HIVEP2: variants seen among roughly 807,000 people sequenced by gnomAD.
HIVEP2 encodes transcription factor HIVEP2.
HIVEP2 carries 14 observed loss-of-function variants against 180.7 expected under a neutral mutation model. That is an observed-to-expected ratio of 0.08 (90% CI 0.05 to 0.12). The LOEUF (loss-of-function observed/expected upper bound fraction) is 0.12, where lower values mean the gene tolerates loss of function less well. Ranked by LOEUF, HIVEP2 falls within the 10% of genes least tolerant of loss-of-function variation. The pLI, the probability that HIVEP2 is intolerant of heterozygous loss-of-function variation, is 1.00. For synonymous variants in HIVEP2, 1,184 were observed against 1,136.4 expected (o/e 1.04, Z -0.84); for missense variants, 2,579 against 3,008.5 (o/e 0.86, Z 3.34).
intron 1 of HIVEP2, among the ~76,000 whole-genome samples, chr6:142,911,038 T>C (rs373579815): frequency 6.6e-6 from 1 of 150,584 alleles, no homozygotes. Flanking sequence ...TGCAATGCAC[T>C]GGATAAAATT....
chr6:142,827,260 C>T (rs912523842), intron 2 of HIVEP2, among the ~76,000 whole-genome samples: 1 of 151,868 alleles, frequency 6.6e-6, no homozygotes, highest in Non-Finnish European at 1.5e-5. Context: ...TAAATTTCAC[C>T]CCTTTACATT....
intron 2 of HIVEP2, among the ~76,000 whole-genome samples, chr6:142,797,300 C>T (rs1381605408): frequency 1.3e-5 from 2 of 152,226 alleles, no homozygotes; most frequent in African/African-American, 4.8e-5. Flanking sequence ...ATCCAAGTCA[C>T]TCCAAATTTA....
At chr6:142,769,415 C>T (rs1582839243) in intron 5 of HIVEP2, 137 bp downstream of exon 5, 1 of 724,358 alleles carries the variant, frequency 1.4e-6, no homozygotes, top group East Asian at 2.7e-5. Context: ...TGAGTAAGGC[C>T]AGACTTTCTG....
chr6:142,825,609 C>A (rs191703359), intron 2 of HIVEP2, among the ~76,000 whole-genome samples: 1 of 152,082 alleles, frequency 6.6e-6, no homozygotes, highest in East Asian at 1.9e-4. Flanking sequence ...ATATTTTATA[C>A]ATTATTATAA....
At chr6:142,788,053 A>T (rs1363353759) in intron 2 of HIVEP2, 1 of 152,202 alleles carries the variant, frequency 6.6e-6, no homozygotes, top group South Asian at 2.1e-4. Context: ...GGAGCACAGA[A>T]AAGATAGGAA....
intron 1 of HIVEP2, among the ~76,000 whole-genome samples, chr6:142,929,468 A>T (rs147682010): frequency 6.6e-6 from 1 of 152,326 alleles, no homozygotes; most frequent in African/African-American, 2.4e-5. Flanking sequence ...CAGAACAAAA[A>T]AAAAGGAGTT....
intron 1 of HIVEP2, among the ~76,000 whole-genome samples, chr6:142,866,396 G>A (rs934992166): frequency 9.9e-5 from 15 of 152,064 alleles, no homozygotes; most frequent in Admixed American, 2.6e-4. Flanking sequence ...AATAATACTT[G>A]GCCATACTTA....
At chr6:142,849,785 C>A (rs1050906291) in intron 1 of HIVEP2, among the ~76,000 whole-genome samples, 6 of 152,110 alleles carry the variant, frequency 3.9e-5, no homozygotes, top group African/African-American at 1.4e-4. Context: ...TCCCTAAGTG[C>A]TGGGACTACA....
At chr6:142,913,403 C>G (rs1231636793) in intron 1 of HIVEP2, among the ~76,000 whole-genome samples, 1 of 152,232 alleles carries the variant, frequency 6.6e-6, no homozygotes, top group East Asian at 1.9e-4. Flanking sequence ...TCAGGGCACA[C>G]TGGCTGTCCC....
At chr6:142,759,248 A>T (rs499166) in intron 9 of HIVEP2, among the ~76,000 whole-genome samples, 52,107 of 151,910 alleles carry the variant, frequency 0.34, 9,771 homozygotes, top group Middle Eastern at 0.49. Context: ...GGTTGTAGTG[A>T]GCCAAAGTCG....
chr6:142,881,608 T>A (rs1776575800), intron 1 of HIVEP2, among the ~76,000 whole-genome samples: 1 of 152,348 alleles, frequency 6.6e-6, no homozygotes, highest in South Asian at 2.1e-4. Context: ...TTCGAAAATA[T>A]GGTCTCTGAG....
At chr6:142,761,683 CA>C (rs774968963) in intron 7 of HIVEP2, 118 bp from the exon 8 acceptor site, 255 of 710,118 alleles carry the variant, frequency 3.6e-4, no homozygotes, top group Non-Finnish European at 4.9e-4. Context: ...TCATGTAACA[CA>C]GATTTGTTTC....
chr6:142,826,024 C>T (rs9373362), intron 2 of HIVEP2, among the ~76,000 whole-genome samples: 3,730 of 152,062 alleles, frequency 0.025, 209 homozygotes, highest in East Asian at 0.24. Context: ...CACTAGTTTG[C>T]TTCTATATTC....
rs558104985 is a variant in HIVEP2, at chr6:142,878,026, T to C, written c.-640-40979A>G. On this transcript the variant is annotated intron_variant, in intron 1 of 9. Transcript: ENST00000367603. ...TGGAGCCCAAAAGGTGATGCAGCAC[T>C]CTTCCAATATATTATTTAACTAATC... Among the ~76,000 whole-genome samples the C allele has an allele frequency of 6.6e-5, 10 of 152,288 alleles. No homozygotes were observed. The East Asian group carries it at 1.9e-3, about 29-fold the overall frequency.
At position 142,818,733 on chromosome 6, in the gene HIVEP2, A is replaced by AAAGAAGGAAAG. The variant is rs1462347393; in HGVS notation, c.-528+18201_-528+18202insCTTTCCTTCTT. The stretch of plus-strand genomic sequence containing the variant: ...AAAGAAAGAAAGAAAAGAAAGAAAG[A>AAAGAAGGAAAG]AAAGAAAGAAAGAAAGAAAGAAAGA... On this transcript the variant is annotated intron_variant, in intron 2 of 9. Coordinates refer to ENST00000367603, the MANE Select transcript of HIVEP2 (RefSeq NM_006734.4). Among the ~76,000 whole-genome samples the AAAGAAGGAAAG allele has an allele frequency of 1.2e-3, 51 of 41,794 alleles. 1 individual carries two copies. Among genetic ancestry groups the AAAGAAGGAAAG allele is most frequent in the African/African-American group, 5.1e-3 (50 of 9,894 alleles). 27.4% of individuals were successfully genotyped at this position (41,794 alleles called of 152,430 possible). A position where few individuals can be genotyped will look rare whatever the true frequency, so the allele number is the denominator to read the frequency against.
rs1775194675 is a variant in HIVEP2, at chr6:142,760,348, A to T, written c.5940T>A (p.Val1980=). ...SYLVTLPSIR[V]TQLMTPSDSC... ...AATCACTGGGTGTCATAAGCTGAGT[A>T]ACTCGAATACTTGGCAAAGTAACCA... Residue 1980 remains valine (V), a synonymous_variant, in exon 9 of 10, where the codon GTT becomes GTA. Transcript: ENST00000367603. The T allele has an allele frequency of 5.0e-6, 8 of 1,614,230 alleles. No homozygotes were observed. Among genetic ancestry groups the T allele is most frequent in the Non-Finnish European group, 6.8e-6 (8 of 1,180,042 alleles).
intron 1 of HIVEP2, among the ~76,000 whole-genome samples, chr6:142,918,174 GCCTC>G (rs369991301): frequency 6.6e-6 from 1 of 151,734 alleles, no homozygotes; most frequent in African/African-American, 2.4e-5. Context: ...TTTCCTCTTT[GCCTC>G]CCTATTTATT....
At chr6:142,890,933 A>T (rs1776843887) in intron 1 of HIVEP2, among the ~76,000 whole-genome samples, 2 of 152,208 alleles carry the variant, frequency 1.3e-5, no homozygotes, top group African/African-American at 2.4e-5. Context: ...CTGTAATATT[A>T]GTCATTACCG....
At chr6:142,848,723 A>C (rs1018554737) in intron 1 of HIVEP2, among the ~76,000 whole-genome samples, 2 of 52,592 alleles carry the variant, frequency 3.8e-5, no homozygotes, top group African/African-American at 9.5e-5. Flanking sequence ...ACACTGTCTC[A>C]AAAAAAAAAA....
Sources: gnomAD v4.1 joint callset for allele counts (sites outside exome capture counted in the v4.1 genomes callset) on GRCh38, gnomAD v4.1.1 for gene constraint, MANE v1.5 for transcripts, NCBI Gene and HGNC (gene_info 2026-07-23, HGNC 2026-07-21) for gene names.